The following EDEM3 variants were observed in gnomAD, a reference collection of about 807,000 sequenced individuals.
The protein encoded by EDEM3 is ER degradation-enhancing alpha-mannosidase-like protein 3.
In EDEM3, 60 loss-of-function variants were observed where a neutral mutation model predicts 110.2. The ratio of observed to expected loss-of-function variants is 0.54; its 90% confidence interval spans 0.44 to 0.67. The LOEUF (loss-of-function observed/expected upper bound fraction) is 0.67. Ranked by LOEUF, EDEM3 falls within the 30% of genes least tolerant of loss-of-function variation. The pLI is 0.00. For synonymous variants in EDEM3, 352 were observed against 382.9 expected (o/e 0.92, Z 0.94); for missense variants, 996 against 1,121.0 (o/e 0.89, Z 1.59).
chr1:184,745,370 C>A (rs1440041720), intron 2 of EDEM3, among the ~76,000 whole-genome samples: 3 of 152,002 alleles, frequency 2.0e-5, no homozygotes, highest in Non-Finnish European at 4.4e-5. Flanking sequence ...CCCATTAGTA[C>A]CATGCCTAAA....
chr1:184,726,125 G>T (rs1651177000), intron 7 of EDEM3, 130 bp downstream of exon 7: 2 of 1,260,790 alleles, frequency 1.6e-6, no homozygotes, highest in Non-Finnish European at 2.1e-6. Context: ...CCATGTAAAG[G>T]AATTTAGACA....
At chr1:184,708,387 C>T in intron 16 of EDEM3, 43 bp from the exon 17 acceptor site, 1 of 1,599,440 alleles carries the variant, frequency 6.3e-7, no homozygotes, top group Non-Finnish European at 8.5e-7. Context: ...TTTCTGGAAA[C>T]TTCCACCAAT....
rs577794065 is a variant in EDEM3 at position 184,739,549 on chromosome 1, T to C, written c.205-1838A>G. ...TCTTTAGCAACTGAGCCTTCCCTTC[T>C]CAGAATACAGTAGGTCACTGTATTA... On this transcript the variant is annotated intron_variant, in intron 2 of 19. Coordinates refer to ENST00000318130, the MANE Select transcript of EDEM3 (RefSeq NM_025191.4). 4.6e-5 allele frequency among the ~76,000 whole-genome samples: 7 copies of C among 152,116 alleles called. No individual in the cohort carries two copies. The East Asian group carries it at 1.3e-3, about 29-fold the overall frequency.
intron 2 of EDEM3, among the ~76,000 whole-genome samples, chr1:184,739,764 ACACAATGAAATG>A (rs1652032187): frequency 6.6e-6 from 1 of 152,194 alleles, no homozygotes; most frequent in Non-Finnish European, 1.5e-5. Flanking sequence ...CCCACTACAA[ACACAATGAAATG>A]CTAAATAAAT....
At position 184,723,811 on chromosome 1, in the gene EDEM3, G is replaced by A. The variant is rs758009767; in HGVS notation, c.793C>T (p.Arg265Ter). 5.1e-6 allele frequency: 8 copies of A among 1,582,868 alleles called. No individual in the cohort carries two copies. Among genetic ancestry groups the A allele is most frequent in the Admixed American group, 1.8e-5 (1 of 56,404 alleles). ...ALDFLWEKRQ[R>*]SSNLVGVTIN... The stretch of plus-strand genomic sequence containing the variant: ...GTCACGCCCACTAAATTACTACTTC[G>A]CTGTCTTTTTTCCCAGAGAAAATCA... Residue 265 changes from arginine to a stop codon, truncating the protein, a stop_gained, in exon 8 of 20, where the codon CGA becomes TGA. Coordinates refer to ENST00000318130, the MANE Select transcript of EDEM3 (RefSeq NM_025191.4). LOFTEE classifies it high-confidence loss of function.
At chr1:184,712,281 G>T in intron 14 of EDEM3, 152 bp downstream of exon 14, 1 of 703,054 alleles carries the variant, frequency 1.4e-6, no homozygotes. Flanking sequence ...GTGTATACAG[G>T]ATGCAATAAA....
intron 2 of EDEM3, among the ~76,000 whole-genome samples, chr1:184,746,779 T>C (rs1357137790): frequency 6.6e-6 from 1 of 152,146 alleles, no homozygotes; most frequent in Non-Finnish European, 1.5e-5. Flanking sequence ...AAGGAATTGT[T>C]CTACTGTAGA....
At chr1:184,723,649 G>T in intron 8 of EDEM3, 102 bp downstream of exon 8, 1 of 971,010 alleles carries the variant, frequency 1.0e-6, no homozygotes, top group Non-Finnish European at 1.5e-6. Context: ...GAGAACCTAT[G>T]CTTTATAGTA....
intron 18 of EDEM3, among the ~76,000 whole-genome samples, chr1:184,705,457 C>T (rs911165035): frequency 1.6e-4 from 24 of 152,066 alleles, no homozygotes; most frequent in African/African-American, 5.8e-4. Context: ...AGTCATAGAC[C>T]ATACACAAAC....
intron 1 of EDEM3, among the ~76,000 whole-genome samples, chr1:184,750,490 C>G (rs190542035): frequency 1.3e-3 from 199 of 151,248 alleles, no homozygotes; most frequent in African/African-American, 4.7e-3. Flanking sequence ...AAGGAAAACA[C>G]AGCTTAACAA....
At chr1:184,750,921 G>T (rs1441732084) in intron 1 of EDEM3, among the ~76,000 whole-genome samples, 1 of 152,024 alleles carries the variant, frequency 6.6e-6, no homozygotes, top group African/African-American at 2.4e-5. Flanking sequence ...TACTGCAATT[G>T]TCATTTTTAA....
chr1:184,733,343 G>C (rs908930122), intron 5 of EDEM3, among the ~76,000 whole-genome samples: 2 of 151,974 alleles, frequency 1.3e-5, no homozygotes, highest in Admixed American at 1.3e-4. Flanking sequence ...CTTTAACTTA[G>C]AATATTATTT....
In EDEM3 at chr1:184,719,698, A is replaced by G. The variant is rs1650774285; in HGVS notation, c.952-130T>C. 3.4e-6 allele frequency: 3 copies of G among 889,676 alleles called. No homozygotes were observed. The East Asian group carries it at 8.4e-5, about 25-fold the overall frequency. 55.1% of individuals were successfully genotyped at this position (889,676 alleles called of 1,614,324 possible). On this transcript the variant is annotated intron_variant, in intron 9 of 19. Transcript: ENST00000318130. The stretch of plus-strand genomic sequence containing the variant: ...AAATTCACTAAATAACTACCAATTT[A>G]TATAAATATTTAAGTTATTTTAGAT...
chr1:184,710,633 T>C, intron 15 of EDEM3, 86 bp from the exon 16 acceptor site: 1 of 1,454,278 alleles, frequency 6.9e-7, no homozygotes, highest in Admixed American at 2.4e-5. Flanking sequence ...TAATGTTACT[T>C]GCAAAATTGC....
In EDEM3 at chr1:184,734,565, C is replaced by T. The variant is rs756340605; in HGVS notation, c.424G>A (p.Val142Ile). 1.4e-5 allele frequency: 21 copies of T among 1,545,160 alleles called. No individual in the cohort carries two copies. Among genetic ancestry groups the T allele is most frequent in the East Asian group, 7.1e-5 (3 of 42,018 alleles). Residue 142 changes from valine to isoleucine, a missense_variant, in exon 5 of 20, where the codon GTA becomes ATA. This residue lies in a region of EDEM3 where 200 missense variants were observed against 183.8 expected (regional missense o/e 1.09). Coordinates refer to ENST00000318130, the MANE Select transcript of EDEM3 (RefSeq NM_025191.4). Reference sequence around the variant, plus strand: ...CTGATGTTTGTTTCAAAGACTGATACGACTACATCGTTATCTAAATTAACA... The same window carrying T: ...CTGATGTTTGTTTCAAAGACTGATATGACTACATCGTTATCTAAATTAACA... The part of the protein sequence containing the change: ...RDVNLDNDVV[V>I]SVFETNIRVL...
rs763998537 is a variant in EDEM3, at chr1:184,706,746, C to T, written c.2100G>A (p.Glu700=). 1 of 1,613,866 alleles carries T rather than the reference C, an allele frequency of 6.2e-7. No homozygotes were observed. ...SNGCSELTNP[E]AVMGKIALIQ... ...TCAGTGCGATTTTTCCCATCACTGC[C>T]TCTGGGTTAGTAAGCTCTGAACAAC... The change falls in exon 18 of 20, where the codon GAG becomes GAA. Residue 700 remains glutamate, a synonymous_variant. Transcript: ENST00000318130.
intron 1 of EDEM3, among the ~76,000 whole-genome samples, chr1:184,751,823 T>C (rs1652783870): frequency 1.3e-5 from 2 of 152,184 alleles, no homozygotes; most frequent in Non-Finnish European, 2.9e-5. Context: ...GCACGATCTC[T>C]GCTCGCTGCA....
At chr1:184,738,128 CCA>C (rs1651935487) in intron 2 of EDEM3, among the ~76,000 whole-genome samples, 1 of 152,082 alleles carries the variant, frequency 6.6e-6, no homozygotes, top group South Asian at 2.1e-4. Context: ...AGTTTTCTTC[CCA>C]CGTTTTTAGA....
intron 9 of EDEM3, among the ~76,000 whole-genome samples, 195 bp from the exon 10 acceptor site, chr1:184,719,763 T>C (rs1448672481): frequency 6.6e-6 from 1 of 152,250 alleles, no homozygotes; most frequent in Non-Finnish European, 1.5e-5. Context: ...CTTTATGTCC[T>C]CTAACTCACA....
Sources: allele counts gnomAD v4.1 joint callset (sites outside exome capture counted in the v4.1 genomes callset), GRCh38; gene constraint gnomAD v4.1.1; regional missense constraint gnomAD v4.1.1; transcripts MANE v1.5; gene names NCBI Gene and HGNC (gene_info 2026-07-23, HGNC 2026-07-21).